CLRN3: variants seen among roughly 807,000 people sequenced by gnomAD.
CLRN3 encodes the protein clarin-3.
In CLRN3, 12 loss-of-function variants were observed where a neutral mutation model predicts 16.7. The observed-to-expected ratio is 0.72, with a 90% CI of 0.46 to 1.16. CLRN3 has a LOEUF of 1.16. Ranked by LOEUF, CLRN3 falls within the 50% of genes most tolerant of loss-of-function variation. CLRN3 has a pLI of 0.00. For missense variants in CLRN3, 296 were observed against 274.2 expected, an observed-to-expected ratio of 1.08 and a Z score of -0.56; for synonymous variants, 118 against 113.0, an observed-to-expected ratio of 1.04 and a Z score of -0.28.
chr10:127,890,396 T>C (rs889903936), intron 1 of CLRN3, among the ~76,000 whole-genome samples: 1 of 152,192 alleles, frequency 6.6e-6, no homozygotes, highest in African/African-American at 2.4e-5. Context: ...TTGACCAATG[T>C]TGGCTGAATT....
At chr10:127,882,827 T>A (rs1845144886) in intron 2 of CLRN3, among the ~76,000 whole-genome samples, 1 of 152,334 alleles carries the variant, frequency 6.6e-6, no homozygotes, top group South Asian at 2.1e-4. Flanking sequence ...ACAGGCTTCA[T>A]TCCCAAGGTC....
At chr10:127,888,589 T>A (rs1845222928) in intron 1 of CLRN3, among the ~76,000 whole-genome samples, 3 of 152,174 alleles carry the variant, frequency 2.0e-5, no homozygotes, top group Admixed American at 2.0e-4. Flanking sequence ...TTGAGCTCCC[T>A]GAGAACACAT....
chr10:127,882,966 G>A (rs896616812), intron 2 of CLRN3, among the ~76,000 whole-genome samples: 1 of 152,196 alleles, frequency 6.6e-6, no homozygotes, highest in African/African-American at 2.4e-5. Context: ...ATGGGCAGCT[G>A]CAGAGCCCTG....
At chr10:127,890,616 C>G (rs11817345) in intron 1 of CLRN3, among the ~76,000 whole-genome samples, 35,428 of 152,010 alleles carry the variant, frequency 0.23, 4,675 homozygotes, top group African/African-American at 0.35. Flanking sequence ...CAGTCCACCA[C>G]CGCTGGGCAA....
intron 2 of CLRN3, among the ~76,000 whole-genome samples, chr10:127,882,130 C>T (rs1304098689): frequency 6.6e-6 from 1 of 152,190 alleles, no homozygotes; most frequent in Non-Finnish European, 1.5e-5. Flanking sequence ...GTCCCTTAAC[C>T]TCTGACACTC....
intron 2 of CLRN3, among the ~76,000 whole-genome samples, chr10:127,882,687 C>T (rs1386330510): frequency 1.3e-5 from 2 of 152,214 alleles, no homozygotes; most frequent in African/African-American, 2.4e-5. Flanking sequence ...CTGCCCTCAG[C>T]CCCTCCTCCG....
intron 2 of CLRN3, among the ~76,000 whole-genome samples, chr10:127,879,907 C>T (rs1186161682): frequency 2.6e-5 from 4 of 152,144 alleles, no homozygotes; most frequent in Non-Finnish European, 5.9e-5. Context: ...GGGATCCTGG[C>T]CACGGAAGCC....
chr10:127,892,563 C>G lies in CLRN3; in HGVS notation c.222G>C (p.Lys74Asn). ...LSHGLAEPKK[K>N]FAVLEILNNS... Reference sequence around the variant, plus strand: ...AATTAGTTTATCATTTACCTGCAAACTTTTTCTTTGGTTCTGCAAGTCCGT... The same window carrying G: ...AATTAGTTTATCATTTACCTGCAAAGTTTTTCTTTGGTTCTGCAAGTCCGT... The change falls in exon 1 of 3, where the codon AAG (lysine) becomes AAC (asparagine). Residue 74 changes from lysine to asparagine, a missense_variant. By Grantham distance (94) the Lys-to-Asn change is moderately conservative. Coordinates refer to ENST00000368671, the MANE Select transcript of CLRN3 (RefSeq NM_152311.5). 6.4e-7 allele frequency: 1 copy of G among 1,564,538 alleles called. No homozygotes were observed. The highest frequency in any genetic ancestry group is 2.2e-5 in the East Asian group (1 of 44,686).
chr10:127,880,184 T>C (rs994406685), intron 2 of CLRN3, among the ~76,000 whole-genome samples: 32 of 152,194 alleles, frequency 2.1e-4, no homozygotes, highest in African/African-American at 7.5e-4. Flanking sequence ...TTATCTTTCA[T>C]TTTCCTCTTG....
At chr10:127,892,392 T>C (rs1039887345) in intron 1 of CLRN3, among the ~76,000 whole-genome samples, 164 bp downstream of exon 1, 4 of 152,244 alleles carry the variant, frequency 2.6e-5, no homozygotes, top group African/African-American at 9.6e-5. Context: ...GAAGCTCAAA[T>C]AATGACATGG....
chr10:127,883,658 GT>G, intron 2 of CLRN3, 37 bp downstream of exon 2: 1 of 1,472,194 alleles, frequency 6.8e-7, no homozygotes. Context: ...GCGGGATGCA[GT>G]TTTCTGCAGA....
In CLRN3 at chr10:127,883,709, C is replaced by T. The variant is rs547086117; in HGVS notation, c.396G>A (p.Trp132Ter). The T allele has an allele frequency of 1.2e-6, 2 of 1,613,146 alleles. No individual in the cohort carries two copies. The highest frequency in any genetic ancestry group is 2.7e-5 in the African/African-American group (2 of 74,866). Residue 132 changes from tryptophan (W) to a stop codon, truncating the protein, a stop_gained, in exon 2 of 3, where the codon TGG (tryptophan) becomes TGA (stop). Coordinates refer to ENST00000368671, the MANE Select transcript of CLRN3 (RefSeq NM_152311.5). LOFTEE classifies it low-confidence loss of function (END_TRUNC). ...TFLGPTGVYT[W>*]NGLGASFVFV... is the part of the protein sequence containing the mutation. ...AGGGCCACTCACCACCGAGCCCGTT[C>T]CAGGTGTACACCCCCGTCGGCCCCA...
At chr10:127,884,311 G>A (rs895059479) in intron 1 of CLRN3, among the ~76,000 whole-genome samples, 2 of 152,198 alleles carry the variant, frequency 1.3e-5, no homozygotes, top group African/African-American at 4.8e-5. Flanking sequence ...GAAAACCTGT[G>A]CACTGTGAGA....
intron 2 of CLRN3, 95 bp downstream of exon 2, chr10:127,883,601 G>T: frequency 1.1e-6 from 1 of 905,136 alleles, no homozygotes; most frequent in Non-Finnish European, 1.9e-6. Context: ...GTGTAAACGT[G>T]ACTGTGTATG....
At chr10:127,886,001 C>T (rs140574803) in intron 1 of CLRN3, among the ~76,000 whole-genome samples, 202 of 152,264 alleles carry the variant, frequency 1.3e-3, no homozygotes, top group African/African-American at 3.9e-3. Flanking sequence ...GTGATCTGCC[C>T]GCCTTGGCCT....
chr10:127,878,494 T>C (rs1453649162), intron 2 of CLRN3, 74 bp from the exon 3 acceptor site: 2 of 1,571,136 alleles, frequency 1.3e-6, no homozygotes, highest in African/African-American at 1.3e-5. Context: ...ATGGAACACA[T>C]ATATATGGGA....
chr10:127,892,464 A>G (rs12267538), intron 1 of CLRN3, 92 bp downstream of exon 1: 5 of 787,332 alleles, frequency 6.4e-6, no homozygotes, highest in Non-Finnish European at 1.1e-5. Context: ...TTACAAAGAA[A>G]TTATTTTTGA....
At chr10:127,885,918 G>T (rs1845188705) in intron 1 of CLRN3, among the ~76,000 whole-genome samples, 1 of 152,078 alleles carries the variant, frequency 6.6e-6, no homozygotes, top group Non-Finnish European at 1.5e-5. Context: ...ACCATGCCAG[G>T]CTAATTTTGT....
At position 127,883,719 on chromosome 10, in the gene CLRN3, A is replaced by G. The variant is rs756157710; in HGVS notation, c.386T>C (p.Val129Ala). ...ACCACCGAGCCCGTTCCAGGTGTAC[A>G]CCCCCGTCGGCCCCAGGAATGTCTG... is the stretch of plus-strand genomic sequence containing the variant. ...PYQTFLGPTG[V>A]YTWNGLGASF... The change falls in exon 2 of 3, where the codon GTG (valine) becomes GCG (alanine). Residue 129 changes from valine to alanine, a missense_variant. Coordinates refer to ENST00000368671, the MANE Select transcript of CLRN3 (RefSeq NM_152311.5). 6.2e-7 allele frequency: 1 copy of G among 1,613,536 alleles called. No individual in the cohort carries two copies. Among genetic ancestry groups the G allele is most frequent in the Non-Finnish European group, 8.5e-7 (1 of 1,179,706 alleles).
Sources: gnomAD v4.1 joint callset for allele counts (sites outside exome capture counted in the v4.1 genomes callset) on GRCh38, gnomAD v4.1.1 for gene constraint, MANE v1.5 for transcripts, NCBI Gene and HGNC (gene_info 2026-07-23, HGNC 2026-07-21) for gene names.